NLGN1: variants seen among roughly 807,000 people sequenced by gnomAD.
NLGN1 encodes the protein neuroligin-1.
NLGN1 carries 12 observed loss-of-function variants against 65.5 expected under a neutral mutation model. The observed-to-expected ratio is 0.18, with a 90% confidence interval of 0.12 to 0.30. The LOEUF is 0.30. Among genes scored for constraint, NLGN1 ranks in the 10% least tolerant of loss-of-function variants. The probability of loss-of-function intolerance (pLI) is 1.00; values close to 1 mark genes in which losing one functional copy is unlikely to be tolerated. For synonymous variants in NLGN1, 350 were observed against 359.5 expected, an observed-to-expected ratio of 0.97 and a Z score of 0.30; for missense variants, 750 against 1,007.1, an observed-to-expected ratio of 0.74 and a Z score of 3.46.
At chr3:173,881,046 A>T (rs1733134810) in intron 4 of NLGN1, among the ~76,000 whole-genome samples, 1 of 149,946 alleles carries the variant, frequency 6.7e-6, no homozygotes, top group South Asian at 2.1e-4. Flanking sequence ...TTGAAGTTTT[A>T]TCATGAGATT....
intron 3 of NLGN1, among the ~76,000 whole-genome samples, chr3:173,664,089 A>T (rs760232609): frequency 1.3e-4 from 20 of 152,058 alleles, no homozygotes; most frequent in Non-Finnish European, 2.8e-4. Flanking sequence ...ATGAATTGTT[A>T]AAAAATGTGC....
At chr3:173,935,622 A>ACACTCTCTCTCT in intron 4 of NLGN1, among the ~76,000 whole-genome samples, 1 of 108,070 alleles carries the variant, frequency 9.3e-6, no homozygotes, top group Middle Eastern at 5.0e-3. Context: ...ACACACACAC[A>ACACTCTCTCTCT]CTCTCTCTCT....
intron 4 of NLGN1, among the ~76,000 whole-genome samples, chr3:173,979,376 A>C (rs1005628279): frequency 6.6e-6 from 1 of 152,274 alleles, no homozygotes; most frequent in East Asian, 1.9e-4. Flanking sequence ...ACATAAAATG[A>C]AGTATTAATA....
chr3:174,238,573 G>A (rs773258653), intron 4 of NLGN1, among the ~76,000 whole-genome samples: 14 of 152,062 alleles, frequency 9.2e-5, no homozygotes, highest in Non-Finnish European at 1.6e-4. Context: ...ACGTTGGCCC[G>A]GATGGTCTCA....
At chr3:174,092,008 C>T (rs772075294) in intron 4 of NLGN1, among the ~76,000 whole-genome samples, 1 of 152,068 alleles carries the variant, frequency 6.6e-6, no homozygotes, top group Non-Finnish European at 1.5e-5. Context: ...TATAATCTTT[C>T]AACATATAAA....
intron 4 of NLGN1, among the ~76,000 whole-genome samples, chr3:174,188,373 T>C (rs1328814658): frequency 1.3e-5 from 2 of 152,008 alleles, no homozygotes; most frequent in African/African-American, 4.8e-5. Flanking sequence ...ATCATAACAT[T>C]GATGACAAAA....
chr3:173,469,506 G>C (rs1194777836), intron 2 of NLGN1, among the ~76,000 whole-genome samples: 1 of 152,010 alleles, frequency 6.6e-6, no homozygotes, highest in African/African-American at 2.4e-5. Flanking sequence ...TCCTTGGCTT[G>C]TATCACTTAT....
At chr3:173,877,635 G>A (rs1418063153) in intron 4 of NLGN1, among the ~76,000 whole-genome samples, 10 of 152,112 alleles carry the variant, frequency 6.6e-5, no homozygotes, top group Non-Finnish European at 1.5e-4. Context: ...TGGGTGAAGG[G>A]CATGTGGGAA....
chr3:173,586,214 A>G (rs952601315), intron 2 of NLGN1, among the ~76,000 whole-genome samples: 1 of 152,234 alleles, frequency 6.6e-6, no homozygotes, highest in Non-Finnish European at 1.5e-5. Context: ...TAGATAAAAG[A>G]TAAAACATAC....
chr3:174,046,420 G>A (rs1733615024), intron 4 of NLGN1, among the ~76,000 whole-genome samples: 1 of 149,596 alleles, frequency 6.7e-6, no homozygotes, highest in South Asian at 2.1e-4. Context: ...TTTGCCTCTT[G>A]TAGCTCTACA....
chr3:173,934,934 T>C (rs572317041), intron 4 of NLGN1, among the ~76,000 whole-genome samples: 1 of 152,200 alleles, frequency 6.6e-6, no homozygotes, highest in Non-Finnish European at 1.5e-5. Context: ...CCTAGTATTT[T>C]GTTTCAAAAA....
intron 3 of NLGN1, among the ~76,000 whole-genome samples, chr3:173,787,950 TAATAA>T (rs1711578320): frequency 6.6e-6 from 1 of 152,114 alleles, no homozygotes; most frequent in South Asian, 2.1e-4. Context: ...AGCTGGTGAG[TAATAA>T]AATGAGTAAA....
chr3:173,481,320 TATC>T (rs576106714), intron 2 of NLGN1, among the ~76,000 whole-genome samples: 46 of 152,098 alleles, frequency 3.0e-4, no homozygotes, highest in Non-Finnish European at 4.4e-4. Context: ...AATATAAAAT[TATC>T]ATGGAAAAGA....
chr3:173,802,844 C>CT (rs35414458), intron 3 of NLGN1, among the ~76,000 whole-genome samples: 3,551 of 142,404 alleles, frequency 0.025, 126 homozygotes, highest in African/African-American at 0.075. Flanking sequence ...GAATGTATAT[C>CT]TTTTTTTTTT....
At chr3:173,573,936 G>A (rs1463690879) in intron 2 of NLGN1, among the ~76,000 whole-genome samples, 4 of 151,338 alleles carry the variant, frequency 2.6e-5, no homozygotes, top group Non-Finnish European at 1.5e-5. Flanking sequence ...GGTAGCGGGC[G>A]CCTGTAGTCC....
intron 1 of NLGN1, among the ~76,000 whole-genome samples, chr3:173,411,149 T>G (rs1009195512): frequency 1.3e-5 from 2 of 152,214 alleles, no homozygotes; most frequent in African/African-American, 4.8e-5. Context: ...GCTGCCTCTT[T>G]GGCAGAAAAG....
chr3:173,802,827 T>C (rs1578509346), intron 3 of NLGN1, among the ~76,000 whole-genome samples: 1 of 151,750 alleles, frequency 6.6e-6, no homozygotes, highest in South Asian at 2.1e-4. Flanking sequence ...CAAAAAGATA[T>C]ACAAAAGAAT....
chr3:173,512,876 T>G (rs370664858), intron 2 of NLGN1, among the ~76,000 whole-genome samples: 2 of 152,330 alleles, frequency 1.3e-5, no homozygotes, highest in African/African-American at 4.8e-5. Flanking sequence ...ATGAGCTTGA[T>G]GTATGGGTAA....
intron 2 of NLGN1, among the ~76,000 whole-genome samples, chr3:173,482,616 T>A (rs1727485249): frequency 1.3e-5 from 2 of 152,118 alleles, no homozygotes; most frequent in Admixed American, 1.3e-4. Context: ...TTTGAACATT[T>A]CTCTCGGAGG....
Sources: gnomAD v4.1 joint callset for allele counts (sites outside exome capture counted in the v4.1 genomes callset) on GRCh38, gnomAD v4.1.1 for gene constraint, MANE v1.5 for transcripts, NCBI Gene and HGNC (gene_info 2026-07-23, HGNC 2026-07-21) for gene names.